AATF: variants seen among roughly 807,000 people sequenced by gnomAD.
The protein encoded by AATF is apoptosis antagonizing transcription factor, also known as protein AATF.
In AATF, 48 loss-of-function variants were observed where a neutral mutation model predicts 63.7. The observed-to-expected ratio is 0.75, with a 90% CI of 0.60 to 0.96. The LOEUF (loss-of-function observed/expected upper bound fraction) is 0.96. Among genes scored for constraint, AATF ranks in the 40% least tolerant of loss-of-function variants. The pLI is 0.00. For synonymous variants in AATF, 258 were observed against 247.7 expected (o/e 1.04, Z -0.39); for missense variants, 639 against 685.7 (o/e 0.93, Z 0.76).
At chr17:36,987,013 G>T (rs915301901) in intron 5 of AATF, among the ~76,000 whole-genome samples, 17 of 152,070 alleles carry the variant, frequency 1.1e-4, no homozygotes, top group African/African-American at 3.9e-4. Flanking sequence ...TTAGAGATGG[G>T]GTCTTACACT....
intron 3 of AATF, 70 bp from the exon 4 acceptor site, chr17:36,953,700 C>T: frequency 6.6e-7 from 1 of 1,504,462 alleles, no homozygotes; most frequent in Non-Finnish European, 9.1e-7. Context: ...CCTGTTCTTC[C>T]CCACCCCTGC....
rs560785517 is a variant in AATF, at chr17:36,992,823, G to A, written c.1398+1966G>A. On this transcript the variant is annotated intron_variant, in intron 8 of 11. Coordinates refer to ENST00000619387, the MANE Select transcript of AATF (RefSeq NM_012138.4). ...TAAACTAATAGAGGTCAGCAAGGCA[G>A]CTAAAACACCTGAGTGAAACAAATG... Among the ~76,000 whole-genome samples, 12 of 152,306 alleles carry A rather than the reference G, an allele frequency of 7.9e-5. No homozygotes were observed. In the East Asian group the frequency reaches 2.3e-3, roughly 29 times the overall value.
intron 4 of AATF, among the ~76,000 whole-genome samples, chr17:36,964,170 C>CCTTTTTT (rs1555647234): frequency 2.0e-5 from 2 of 101,388 alleles, no homozygotes; most frequent in African/African-American, 8.0e-5. Context: ...GGGTGTTTTG[C>CCTTTTTT]TTTTTTTTTT....
chr17:36,957,882 A>G (rs1205974045), intron 4 of AATF, among the ~76,000 whole-genome samples: 1 of 152,210 alleles, frequency 6.6e-6, no homozygotes, highest in African/African-American at 2.4e-5. Context: ...CCTGAGTACC[A>G]TGCCTTTGTA....
chr17:37,032,611 G>A (rs73985344), intron 11 of AATF, among the ~76,000 whole-genome samples: 421 of 152,176 alleles, frequency 2.8e-3, no homozygotes, highest in African/African-American at 9.0e-3. Context: ...CAGCAGAGAC[G>A]GGAAGTGTAT....
At chr17:36,991,137 T>A (rs2071211472) in intron 8 of AATF, among the ~76,000 whole-genome samples, 1 of 152,200 alleles carries the variant, frequency 6.6e-6, no homozygotes, top group Non-Finnish European at 1.5e-5. Flanking sequence ...CTGAGTCAAG[T>A]GGGTTCTTTC....
intron 2 of AATF, 60 bp downstream of exon 2, chr17:36,950,465 C>G: frequency 6.7e-7 from 1 of 1,490,666 alleles, no homozygotes; most frequent in Non-Finnish European, 9.2e-7. Context: ...GGTTAAAATC[C>G]TCCGGTCATC....
chr17:36,964,330 T>G (rs1404208388), intron 4 of AATF, among the ~76,000 whole-genome samples: 1 of 151,890 alleles, frequency 6.6e-6, no homozygotes, highest in Non-Finnish European at 1.5e-5. Flanking sequence ...GATGGGCCAG[T>G]GCACAGGAGT....
At chr17:36,973,958 C>T (rs548280319) in intron 4 of AATF, among the ~76,000 whole-genome samples, 9 of 152,068 alleles carry the variant, frequency 5.9e-5, no homozygotes, top group African/African-American at 2.2e-4. Flanking sequence ...GTAATCCCTG[C>T]CTCGGGAGGC....
chr17:37,021,074 T>C (rs1447573670), intron 10 of AATF, 60 bp downstream of exon 10: 1 of 1,209,958 alleles, frequency 8.3e-7, no homozygotes, highest in Admixed American at 2.7e-5. Flanking sequence ...GTCTCTTACA[T>C]TCTGGCTGTT....
intron 4 of AATF, among the ~76,000 whole-genome samples, chr17:36,973,264 TTTTTAAAGGA>T (rs1326550719): frequency 6.6e-6 from 1 of 152,202 alleles, no homozygotes; most frequent in African/African-American, 2.4e-5. Context: ...GTAAATCCTT[TTTTTAAAGGA>T]TTTTAAAGGA....
rs754986503 is a variant in AATF, at chr17:36,988,506, A to C, written c.948-13A>C. ...TGTTTACACTGGACATAATATTCTT[A>C]CTGCTTTTCTAGTGAGGAGATTTCT... On this transcript the variant is annotated splice_polypyrimidine_tract_variant and intron_variant, in intron 5 of 11. Transcript: ENST00000619387. 1.2e-6 allele frequency: 2 copies of C among 1,612,770 alleles called. No individual in the cohort carries two copies. Among genetic ancestry groups the C allele is most frequent in the African/African-American group, 1.3e-5 (1 of 74,892 alleles).
At chr17:37,033,396 C>T (rs2071566559) in intron 11 of AATF, among the ~76,000 whole-genome samples, 2 of 152,162 alleles carry the variant, frequency 1.3e-5, no homozygotes, top group Non-Finnish European at 2.9e-5. Context: ...TTATCCCAGG[C>T]ATAAAATGAA....
intron 4 of AATF, among the ~76,000 whole-genome samples, chr17:36,961,992 A>T (rs1056156357): frequency 6.6e-6 from 1 of 151,988 alleles, no homozygotes; most frequent in Non-Finnish European, 1.5e-5. Flanking sequence ...TTGTTTTTTT[A>T]AAAAGGCTTT....
chr17:37,049,775 T>C (rs546391091), intron 11 of AATF, among the ~76,000 whole-genome samples: 7 of 152,132 alleles, frequency 4.6e-5, no homozygotes, highest in Non-Finnish European at 8.8e-5. Flanking sequence ...GCCGTTAGCA[T>C]GTGCCAAGTG....
chr17:36,967,025 C>T (rs1209606631), intron 4 of AATF, among the ~76,000 whole-genome samples: 1 of 152,182 alleles, frequency 6.6e-6, no homozygotes, highest in Non-Finnish European at 1.5e-5. Flanking sequence ...ACCCTTTCTC[C>T]TGAAGCAACA....
At chr17:36,977,556 T>A (rs1380421102) in intron 4 of AATF, among the ~76,000 whole-genome samples, 3 of 152,098 alleles carry the variant, frequency 2.0e-5, no homozygotes, top group Non-Finnish European at 4.4e-5. Flanking sequence ...GTGGTTCTAA[T>A]TTTATTTTTA....
In AATF at chr17:36,953,130, A is replaced by C. The variant is rs767713490; in HGVS notation, c.528A>C (p.Glu176Asp). The C allele has an allele frequency of 6.2e-7, 1 of 1,614,198 alleles. No homozygotes were observed. The highest frequency in any genetic ancestry group is 1.1e-5 in the South Asian group (1 of 91,082). The change falls in exon 3 of 12, where the codon GAA becomes GAC. Residue 176 changes from glutamate to aspartate, a missense_variant. Transcript: ENST00000619387. ...GGAGCAGTGAGGAGGAGGAAGACGAAGAGAGTGGCATGGAAGAAGGGGATG... is the reference window on the plus strand; with the variant it reads ...GGAGCAGTGAGGAGGAGGAAGACGACGAGAGTGGCATGGAAGAAGGGGATG... ...DLGSSEEEED[E>D]ESGMEEGDDA...
At chr17:36,949,259 A>C (rs1243613757) in intron 1 of AATF, 43 bp downstream of exon 1, 1 of 1,542,952 alleles carries the variant, frequency 6.5e-7, no homozygotes, top group Non-Finnish European at 8.8e-7. Context: ...GCGGTGGGCC[A>C]GGCCCTGTGG....
Sources: allele counts gnomAD v4.1 joint callset (sites outside exome capture counted in the v4.1 genomes callset), GRCh38; gene constraint gnomAD v4.1.1; transcripts MANE v1.5; gene names NCBI Gene and HGNC (gene_info 2026-07-23, HGNC 2026-07-21).